Variants in PLAGL1 observed in about 807,000 individuals in gnomAD.
PLAGL1 encodes PLAG1 like zinc finger 1, also known as zinc finger protein PLAGL1.
In PLAGL1, 1 loss-of-function variant was observed where a neutral mutation model predicts 4.6. That is an observed-to-expected ratio of 0.22 (90% CI 0.08 to 1.03). The LOEUF (loss-of-function observed/expected upper bound fraction) is 1.03, where lower values mean the gene tolerates loss of function less well. Among genes scored for constraint, PLAGL1 ranks in the 50% least tolerant of loss-of-function variants. The pLI, the probability that PLAGL1 is intolerant of heterozygous loss-of-function variation, is 0.58. For missense variants in PLAGL1, 464 were observed against 570.4 expected (o/e 0.81, Z 1.90); for synonymous variants, 240 against 237.8 (o/e 1.01, Z -0.08).
intron 1 of PLAGL1, among the ~76,000 whole-genome samples, chr6:143,992,001 T>TCC (rs1470869433): frequency 2.6e-5 from 4 of 152,218 alleles, no homozygotes. Context: ...AAAGTCCACA[T>TCC]TCAAACATGG....
At chr6:144,041,815 A>G (rs1428407383) in intron 1 of PLAGL1, among the ~76,000 whole-genome samples, 3 of 152,190 alleles carry the variant, frequency 2.0e-5, no homozygotes, top group Non-Finnish European at 4.4e-5. Flanking sequence ...GCATAAAAGC[A>G]TTCCTATTTC....
intron 1 of PLAGL1, among the ~76,000 whole-genome samples, chr6:143,993,955 C>T (rs1414011789): frequency 6.6e-6 from 1 of 151,802 alleles, no homozygotes; most frequent in Non-Finnish European, 1.5e-5. Context: ...CTTTGGCCCC[C>T]AGTACTCTAT....
rs1445999343 is a variant in PLAGL1, at chr6:144,050,280, A to G, written c.-151+14188T>C. ...CTAGGGGCAACCTCCTGTGCTAATTATTGTTCTTTTATTTCCCCTTGAAAT... is the reference window on the plus strand; with the variant it reads ...CTAGGGGCAACCTCCTGTGCTAATTGTTGTTCTTTTATTTCCCCTTGAAAT... On this transcript the variant is annotated intron_variant, in intron 1 of 3. Coordinates refer to the PLAGL1 transcript ENST00000437412. This position sits in a 1 kb window ranked among gnomAD's most constrained non-coding sequence, Gnocchi z 4.3. Among the ~76,000 whole-genome samples the G allele has an allele frequency of 6.6e-6, 1 of 152,124 alleles. No individual in the cohort carries two copies. Among genetic ancestry groups the G allele is most frequent in the Non-Finnish European group, 1.5e-5 (1 of 68,030 alleles).
In PLAGL1 at chr6:143,978,922, T is replaced by C. The variant is rs549787576; in HGVS notation, c.-544+6213A>G. ...GAAGGGTGCTGAAATCTGACCACAA[T>C]TGTGAATTTGTCTATTTCTTCCCAT... On this transcript the variant is annotated intron_variant, in intron 2 of 7. Transcript: ENST00000674357. The surrounding 1 kb of genome is among the most constrained non-coding windows in gnomAD (Gnocchi z 4.6). 1.3e-5 allele frequency among the ~76,000 whole-genome samples: 2 copies of C among 152,306 alleles called. No individual in the cohort carries two copies. Among genetic ancestry groups the C allele is most frequent in the East Asian group, 1.9e-4 (1 of 5,188 alleles).
intron 1 of PLAGL1, among the ~76,000 whole-genome samples, chr6:144,025,421 A>G (rs1313701491): frequency 1.3e-5 from 2 of 152,224 alleles, no homozygotes; most frequent in African/African-American, 4.8e-5. Flanking sequence ...TATGAGGTTT[A>G]CTTAATAATA....
upstream of PLAGL1, among the ~76,000 whole-genome samples, chr6:144,010,643 C>T (rs369607494): frequency 2.6e-5 from 4 of 152,156 alleles, no homozygotes; most frequent in Non-Finnish European, 4.4e-5. This position sits in a 1 kb window ranked among gnomAD's most constrained non-coding sequence, Gnocchi z 4.1. Flanking sequence ...GCCCGTATAG[C>T]CAAGACAATC....
intron 1 of PLAGL1, among the ~76,000 whole-genome samples, chr6:143,996,229 G>A (rs142619513): frequency 2.6e-5 from 4 of 152,248 alleles, no homozygotes; most frequent in East Asian, 1.9e-4. Context: ...TACAGGGCAC[G>A]CTTCTTATTA....
chr6:144,028,720 G>T (rs540369921), intron 1 of PLAGL1, among the ~76,000 whole-genome samples: 1 of 152,302 alleles, frequency 6.6e-6, no homozygotes, highest in African/African-American at 2.4e-5. Flanking sequence ...ACTTTTGGCT[G>T]CTGAGGGTGT....
intron 1 of PLAGL1, among the ~76,000 whole-genome samples, chr6:144,057,324 G>T (rs1022857180): frequency 6.6e-6 from 1 of 152,214 alleles, no homozygotes; most frequent in African/African-American, 2.4e-5. Flanking sequence ...TGATAGAAAT[G>T]TAATGCTTTT....
chr6:144,044,453 A>G (rs904476964), intron 1 of PLAGL1, among the ~76,000 whole-genome samples: 9 of 152,270 alleles, frequency 5.9e-5, no homozygotes, highest in African/African-American at 2.2e-4. Context: ...GTCATTCAGG[A>G]GCAGGTTGTT....
At position 144,018,096 on chromosome 6, in the gene PLAGL1, C is replaced by T. The variant is rs368236334; in HGVS notation, c.-151+46372G>A. ...TTAAAAAGTTACATTTTGTAGCCAT[C>T]AGAGTAATAATGAATACATGAATTA... On this transcript the variant is annotated intron_variant, in intron 1 of 3. Coordinates refer to the PLAGL1 transcript ENST00000437412. Among the ~76,000 whole-genome samples the T allele has an allele frequency of 9.2e-5, 14 of 152,334 alleles. No individual in the cohort carries two copies. In the East Asian group the frequency reaches 2.3e-3, roughly 25 times the overall value.
At chr6:143,987,266 G>A (rs1045500740) in intron 1 of PLAGL1, among the ~76,000 whole-genome samples, 3 of 151,622 alleles carry the variant, frequency 2.0e-5, no homozygotes, top group African/African-American at 7.3e-5. Flanking sequence ...GTGTGGTGAC[G>A]TGATCAAGGT....
chr6:143,997,499 G>C lies in PLAGL1; in HGVS notation c.-584+10591C>G, dbSNP rs921946547. Reference sequence around the variant, plus strand: ...ACACAGATGACTCTAAAAAATTTACGCTGAATAAAAGCCAGACACAAAAGA... The same window carrying C: ...ACACAGATGACTCTAAAAAATTTACCCTGAATAAAAGCCAGACACAAAAGA... On this transcript the variant is annotated intron_variant, in intron 1 of 7. Coordinates refer to ENST00000674357, the MANE Select transcript of PLAGL1 (RefSeq NM_001317162.2). The surrounding 1 kb of genome is among the most constrained non-coding windows in gnomAD (Gnocchi z 4.6). 3.2e-4 allele frequency among the ~76,000 whole-genome samples: 49 copies of C among 152,122 alleles called. No homozygotes were observed. The highest frequency in any genetic ancestry group is 1.1e-3 in the African/African-American group (46 of 41,430).
chr6:144,033,103 G>T (rs1042351251), intron 1 of PLAGL1, among the ~76,000 whole-genome samples: 2 of 152,148 alleles, frequency 1.3e-5, no homozygotes, highest in East Asian at 3.9e-4. Context: ...TAGAAAACAG[G>T]ACATCAGCAA....
chr6:143,971,182 A>ATT lies in PLAGL1; in HGVS notation c.-543-2205_-543-2204insAA, dbSNP rs935282554. On this transcript the variant is annotated intron_variant, in intron 2 of 7. Transcript: ENST00000674357. This position sits in a 1 kb window ranked among gnomAD's most constrained non-coding sequence, Gnocchi z 4.7. ...ATGGTAATTTTTCTGTTTCATGAGA[A>ATT]ATCTAAAATCTCAGAATCACATCCC... 6.6e-6 allele frequency among the ~76,000 whole-genome samples: 1 copy of ATT among 152,084 alleles called. No homozygotes were observed. The highest frequency in any genetic ancestry group is 6.5e-5 in the Admixed American group (1 of 15,270).
rs1381611532 is a variant in PLAGL1 at position 143,989,917 on chromosome 6, TGA to T, written c.-583-4745_-583-4744del. On this transcript the variant is annotated intron_variant, in intron 1 of 7. Coordinates refer to ENST00000674357, the MANE Select transcript of PLAGL1 (RefSeq NM_001317162.2). The surrounding 1 kb of genome is among the most constrained non-coding windows in gnomAD (Gnocchi z 4.8). ...TTAACATCCCTACTTAATGCTTCTG[TGA>T]GAAAACAAAAGCTGTTGGATAGGGC... Among the ~76,000 whole-genome samples the T allele has an allele frequency of 1.3e-5, 2 of 152,132 alleles. No homozygotes were observed. The highest frequency in any genetic ancestry group is 4.8e-5 in the African/African-American group (2 of 41,430).
Position 143,961,667 on chromosome 6 carries a change from C to T in PLAGL1, c.-398-1125G>A, listed in dbSNP as rs149588539. 5.4e-4 allele frequency among the ~76,000 whole-genome samples: 82 copies of T among 152,298 alleles called. No individual in the cohort carries two copies. Among genetic ancestry groups the T allele is most frequent in the Non-Finnish European group, 9.1e-4 (62 of 68,020 alleles). On this transcript the variant is annotated intron_variant, in intron 5 of 7. Coordinates refer to ENST00000674357, the MANE Select transcript of PLAGL1 (RefSeq NM_001317162.2). The surrounding 1 kb of genome is among the most constrained non-coding windows in gnomAD (Gnocchi z 6.5). ...TACAAATCATCTTTATGGTCCATCT[C>T]TTTCCTCAAAATGCTCAACATTTAT...
At position 143,966,868 on chromosome 6, in the gene PLAGL1, A is replaced by C. The variant is rs2128570096; in HGVS notation, c.-471-670T>G. ...TAATTTTTTGTTTGTTCATGGAGGG[A>C]AGTAAGGAAATTTTAATGATATTCC... On this transcript the variant is annotated intron_variant, in intron 3 of 7. Transcript: ENST00000674357. This position sits in a 1 kb window ranked among gnomAD's most constrained non-coding sequence, Gnocchi z 6.0. The C allele has an allele frequency of 6.6e-6, 1 of 152,184 alleles. No individual in the cohort carries two copies. The highest frequency in any genetic ancestry group is 1.5e-5 in the Non-Finnish European group (1 of 68,010). The allele number at this position is 152,184 out of a possible 1,614,324, so 9.4% of individuals were successfully genotyped here. A position where few individuals can be genotyped will look rare whatever the true frequency, so the allele number is the denominator to read the frequency against.
upstream of PLAGL1, among the ~76,000 whole-genome samples, chr6:144,012,460 C>A (rs1795255095): frequency 6.6e-6 from 1 of 152,148 alleles, no homozygotes; most frequent in South Asian, 2.1e-4. The surrounding 1 kb of genome is among the most constrained non-coding windows in gnomAD (Gnocchi z 4.8). Context: ...TGGTCTCAAA[C>A]TCCTGACCTC....
Sources: allele counts gnomAD v4.1 joint callset (sites outside exome capture counted in the v4.1 genomes callset), GRCh38; gene constraint gnomAD v4.1.1; non-coding constraint Gnocchi (gnomAD v3.1); transcripts MANE v1.5; gene names NCBI Gene and HGNC (gene_info 2026-07-23, HGNC 2026-07-21).